FRMD5: variants seen among roughly 807,000 people sequenced by gnomAD.
FRMD5 encodes FERM domain containing 5.
A neutral mutation model predicts 69.0 loss-of-function variants in FRMD5; 20 were observed. That is an observed-to-expected ratio of 0.29 (90% CI 0.20 to 0.42). The LOEUF (loss-of-function observed/expected upper bound fraction) is 0.42. FRMD5 is among the 10% of genes least tolerant of loss of function. FRMD5 has a pLI of 1.00. For synonymous variants in FRMD5, 271 were observed against 260.1 expected (o/e 1.04, Z -0.40); for missense variants, 595 against 708.6 (o/e 0.84, Z 1.82).
intron 1 of FRMD5, among the ~76,000 whole-genome samples, chr15:43,962,078 TA>T (rs1595564011): frequency 6.6e-6 from 1 of 152,106 alleles, no homozygotes; most frequent in East Asian, 1.9e-4. Flanking sequence ...GAGAAGGAAA[TA>T]AAGGGCATTC....
intron 1 of FRMD5, among the ~76,000 whole-genome samples, chr15:43,939,150 T>C (rs1453470018): frequency 1.3e-5 from 2 of 151,818 alleles, no homozygotes; most frequent in African/African-American, 4.8e-5. Context: ...GGATTACAGG[T>C]GTGTGAGCCA....
chr15:44,172,204 C>A (rs1161650241), intron 1 of FRMD5, among the ~76,000 whole-genome samples: 1 of 151,994 alleles, frequency 6.6e-6, no homozygotes, highest in East Asian at 1.9e-4. Flanking sequence ...GATCTTCCCA[C>A]CTCAGCCTCC....
At chr15:44,186,583 T>G (rs1047181372) in intron 1 of FRMD5, among the ~76,000 whole-genome samples, 18 of 152,232 alleles carry the variant, frequency 1.2e-4, no homozygotes, top group Non-Finnish European at 2.9e-5. Flanking sequence ...GCGGGTTTGA[T>G]GTACCACTAT....
At chr15:44,047,758 A>C (rs1892491653) in intron 1 of FRMD5, among the ~76,000 whole-genome samples, 1 of 152,094 alleles carries the variant, frequency 6.6e-6, no homozygotes, top group South Asian at 2.1e-4. Context: ...GGCAACTACT[A>C]ATCTATTTTT....
At position 43,953,554 on chromosome 15, in the gene FRMD5, C is replaced by G. The variant is rs570372394; in HGVS notation, c.103-29245G>C. On this transcript the variant is annotated intron_variant, in intron 1 of 13. Transcript: ENST00000417257. ...CATTGTAGACATTGTTCTTTACAGT[C>G]AGACCATATCGCTCACTAAGCCTTG... 3.7e-4 allele frequency among the ~76,000 whole-genome samples: 57 copies of G among 152,348 alleles called. 1 individual carries two copies. Among genetic ancestry groups the G allele is most frequent in the African/African-American group, 1.3e-3 (53 of 41,584 alleles).
At chr15:44,004,656 C>T (rs564104080) in intron 1 of FRMD5, among the ~76,000 whole-genome samples, 174 of 152,350 alleles carry the variant, frequency 1.1e-3, no homozygotes, top group Admixed American at 1.8e-3. Flanking sequence ...GTTCCCCCAA[C>T]TCAGTCCCTC....
At chr15:44,185,659 G>A (rs1349598814) in intron 1 of FRMD5, among the ~76,000 whole-genome samples, 1 of 151,968 alleles carries the variant, frequency 6.6e-6, no homozygotes, top group Non-Finnish European at 1.5e-5. Context: ...TGAGCGTGGT[G>A]GTGCATGCCT....
intron 1 of FRMD5, among the ~76,000 whole-genome samples, chr15:44,113,047 T>G (rs978125492): frequency 6.6e-6 from 1 of 152,198 alleles, no homozygotes; most frequent in Admixed American, 6.5e-5. Context: ...CATAAAACCT[T>G]TCTTTAACTT....
rs537868683 is a variant in FRMD5, at chr15:43,961,314, G to T, written c.103-37005C>A. 6.9e-3 allele frequency among the ~76,000 whole-genome samples: 1,048 copies of T among 152,082 alleles called. 17 individuals carry two copies. Among genetic ancestry groups the T allele is most frequent in the African/African-American group, 0.024 (984 of 41,520 alleles). ...AACTAGAAAATCTAGAAGAAATGGA[G>T]AAATTCCTCGACACATACACTCTCC... On this transcript the variant is annotated intron_variant, in intron 1 of 13. Coordinates refer to ENST00000417257, the MANE Select transcript of FRMD5 (RefSeq NM_032892.5).
At chr15:44,019,700 G>A (rs1441376298) in intron 1 of FRMD5, among the ~76,000 whole-genome samples, 1 of 125,288 alleles carries the variant, frequency 8.0e-6, no homozygotes. Flanking sequence ...TTGACCCATT[G>A]CATTCCAGCC....
At chr15:43,879,424 T>C in intron 13 of FRMD5, 1 of 398,400 alleles carries the variant, frequency 2.5e-6, no homozygotes. Context: ...ACCTGTTATT[T>C]TGGGATAGAT....
intron 1 of FRMD5, among the ~76,000 whole-genome samples, chr15:44,176,404 G>GT (rs2077895110): frequency 6.6e-6 from 1 of 152,118 alleles, no homozygotes; most frequent in South Asian, 2.1e-4. Flanking sequence ...AGACCTAAAT[G>GT]TATGAGCTAA....
At chr15:44,105,387 C>G (rs1345854555) in intron 1 of FRMD5, among the ~76,000 whole-genome samples, 1 of 152,084 alleles carries the variant, frequency 6.6e-6, no homozygotes, top group Non-Finnish European at 1.5e-5. Flanking sequence ...CAAATTATTT[C>G]AAAGGTGTGG....
chr15:43,901,502 GGA>G (rs992640509), intron 7 of FRMD5, among the ~76,000 whole-genome samples: 2 of 152,104 alleles, frequency 1.3e-5, no homozygotes, highest in Non-Finnish European at 2.9e-5. Flanking sequence ...GCAGAAATGT[GGA>G]GAAACTGAGG....
intron 1 of FRMD5, among the ~76,000 whole-genome samples, chr15:43,950,066 G>A (rs553524507): frequency 1.6e-4 from 24 of 152,294 alleles, no homozygotes; most frequent in African/African-American, 5.8e-4. Context: ...ATGCAGGAAG[G>A]CTAGAGGTTG....
intron 1 of FRMD5, among the ~76,000 whole-genome samples, chr15:44,010,632 G>A (rs761326394): frequency 6.6e-6 from 1 of 152,118 alleles, no homozygotes. Flanking sequence ...TGATCCAGCT[G>A]CCTTGGCCTC....
intron 4 of FRMD5, among the ~76,000 whole-genome samples, chr15:43,915,823 A>G (rs2089376066): frequency 6.6e-6 from 1 of 152,182 alleles, no homozygotes; most frequent in South Asian, 2.1e-4. Context: ...TTTAGGACCA[A>G]TATTGCCTGG....
chr15:44,060,334 G>A (rs889872588), intron 1 of FRMD5, among the ~76,000 whole-genome samples: 3 of 152,162 alleles, frequency 2.0e-5, no homozygotes, highest in African/African-American at 7.2e-5. Context: ...ACCCAGAAGC[G>A]TGAAAACCAA....
intron 4 of FRMD5, among the ~76,000 whole-genome samples, chr15:43,918,820 G>A (rs913951946): frequency 2.0e-5 from 3 of 152,160 alleles, no homozygotes; most frequent in African/African-American, 7.2e-5. Flanking sequence ...CAAAATCCTG[G>A]GGAAGCTTTG....
Sources: allele counts gnomAD v4.1 joint callset (sites outside exome capture counted in the v4.1 genomes callset), GRCh38; gene constraint gnomAD v4.1.1; transcripts MANE v1.5; gene names NCBI Gene and HGNC (gene_info 2026-07-23, HGNC 2026-07-21).